RPTOR: variants seen among roughly 807,000 people sequenced by gnomAD.
RPTOR encodes the protein regulatory-associated protein of mTOR.
Under a neutral mutation model 169.9 loss-of-function variants are expected in RPTOR, and 21 were observed. That is an observed-to-expected ratio of 0.12 (90% CI 0.09 to 0.18). The LOEUF is 0.18. Ranked by LOEUF, RPTOR falls within the 10% of genes least tolerant of loss-of-function variation. The pLI is 1.00. For synonymous variants in RPTOR, 732 were observed against 753.2 expected (o/e 0.97, Z 0.46); for missense variants, 1,133 against 1,855.9 (o/e 0.61, Z 7.16).
intron 4 of RPTOR, among the ~76,000 whole-genome samples, chr17:80,710,296 C>A (rs765648507): frequency 2.0e-5 from 3 of 152,014 alleles, no homozygotes; most frequent in Non-Finnish European, 4.4e-5. Flanking sequence ...GCCCCGCTCC[C>A]AGTTGTGCTT....
intron 1 of RPTOR, among the ~76,000 whole-genome samples, chr17:80,616,196 A>T (rs1195623001): frequency 6.6e-6 from 1 of 152,176 alleles, no homozygotes; most frequent in Non-Finnish European, 1.5e-5. Context: ...TAATGTGGCT[A>T]ATTTTAATTT....
chr17:80,862,184 G>A (rs990569771), intron 13 of RPTOR, among the ~76,000 whole-genome samples: 1 of 152,078 alleles, frequency 6.6e-6, no homozygotes, highest in Non-Finnish European at 1.5e-5. Context: ...CAGTGTTCTT[G>A]TAACTGCCTG....
chr17:80,899,279 G>T (rs2068445815), intron 20 of RPTOR, among the ~76,000 whole-genome samples: 1 of 152,176 alleles, frequency 6.6e-6, no homozygotes, highest in Admixed American at 6.5e-5. Context: ...GTTTTGAACT[G>T]GAATACACTT....
intron 6 of RPTOR, among the ~76,000 whole-genome samples, chr17:80,790,966 G>T (rs1188471763): frequency 6.6e-6 from 1 of 152,212 alleles, no homozygotes; most frequent in African/African-American, 2.4e-5. Flanking sequence ...ACCTGCGTCA[G>T]ACATGAACCC....
chr17:80,608,310 T>G (rs2065243118), intron 1 of RPTOR, among the ~76,000 whole-genome samples: 1 of 152,226 alleles, frequency 6.6e-6, no homozygotes, highest in African/African-American at 2.4e-5. Context: ...TAATATTCTA[T>G]ATGCATTATT....
intron 9 of RPTOR, among the ~76,000 whole-genome samples, chr17:80,827,289 C>CTA (rs1231322273): frequency 1.3e-5 from 2 of 152,248 alleles, no homozygotes; most frequent in Non-Finnish European, 2.9e-5. Flanking sequence ...GCCATCTAAT[C>CTA]CTGTGTGACA....
rs531201000 is a variant in RPTOR at position 80,898,731 on chromosome 17, A to G, written c.2401+4866A>G. Among the ~76,000 whole-genome samples, 85 of 122,386 alleles carry G rather than the reference A, an allele frequency of 6.9e-4. 1 individual carries two copies. Among genetic ancestry groups the G allele is most frequent in the Admixed American group, 4.3e-3 (52 of 12,174 alleles). 80.3% of individuals were successfully genotyped at this position (122,386 alleles called of 152,430 possible). A position where few individuals can be genotyped will look rare whatever the true frequency, so the allele number is the denominator to read the frequency against. ...GGCTCCCCCCGCACCTGCTCACCCA[A>G]CCCCTGCTCACCCCGCCCCTGCTCA... On this transcript the variant is annotated intron_variant, in intron 20 of 33. Coordinates refer to ENST00000306801, the MANE Select transcript of RPTOR (RefSeq NM_020761.3).
intron 25 of RPTOR, among the ~76,000 whole-genome samples, chr17:80,945,373 A>T (rs759734653): frequency 2.0e-5 from 3 of 152,110 alleles, no homozygotes; most frequent in Non-Finnish European, 2.9e-5. Context: ...CGGGCAGATC[A>T]CAAGGTCAGG....
intron 1 of RPTOR, among the ~76,000 whole-genome samples, chr17:80,567,590 G>A (rs867546839): frequency 4.6e-5 from 7 of 151,578 alleles, no homozygotes; most frequent in Middle Eastern, 3.4e-3. Context: ...AGGAGTTCAA[G>A]ACCAGCCTGG....
intron 3 of RPTOR, among the ~76,000 whole-genome samples, chr17:80,674,795 A>AC (rs1303706469): frequency 4.3e-5 from 2 of 47,022 alleles, no homozygotes; most frequent in East Asian, 1.0e-3. Flanking sequence ...CTCAAAAAAA[A>AC]AAAAAAAAAA....
At chr17:80,663,437 C>G (rs904924401) in intron 3 of RPTOR, among the ~76,000 whole-genome samples, 1 of 151,318 alleles carries the variant, frequency 6.6e-6, no homozygotes, top group Non-Finnish European at 1.5e-5. Context: ...GCAGAGGAAT[C>G]TTTATTTACA....
chr17:80,700,102 G>A lies in RPTOR; in HGVS notation c.349-7739G>A, dbSNP rs116321552. On this transcript the variant is annotated intron_variant, in intron 3 of 33. Coordinates refer to ENST00000306801, the MANE Select transcript of RPTOR (RefSeq NM_020761.3). Reference sequence around the variant, plus strand: ...GGAAGAAGGTTCTGGGCAGAAGGCTGGAAAGTAGGTTAGAACATAATGAGG... The same window carrying A: ...GGAAGAAGGTTCTGGGCAGAAGGCTAGAAAGTAGGTTAGAACATAATGAGG... Among the ~76,000 whole-genome samples the A allele has an allele frequency of 9.0e-3, 1,376 of 152,310 alleles. 19 individuals are homozygous for A. The highest frequency in any genetic ancestry group is 0.028 in the African/African-American group (1,143 of 41,544).
intron 2 of RPTOR, among the ~76,000 whole-genome samples, chr17:80,634,491 A>C (rs201831890): frequency 0.19 from 18,875 of 98,414 alleles, 1,931 homozygotes; most frequent in East Asian, 0.26. Flanking sequence ...GTGTGTGCAT[A>C]CTGTGTGTGT....
intron 5 of RPTOR, among the ~76,000 whole-genome samples, chr17:80,749,670 C>G (rs1004254217): frequency 1.1e-4 from 17 of 152,076 alleles, no homozygotes; most frequent in Admixed American, 3.9e-4. Flanking sequence ...GTAAATTTAA[C>G]GTAGGAGCAA....
intron 7 of RPTOR, among the ~76,000 whole-genome samples, chr17:80,810,003 G>A (rs1490513971): frequency 2.6e-5 from 4 of 151,944 alleles, no homozygotes; most frequent in Non-Finnish European, 5.9e-5. Context: ...AGCTGAGATC[G>A]TGACACTGCA....
In RPTOR at chr17:80,893,750, C is replaced by T. The variant is rs2068363790; in HGVS notation, c.2286C>T (p.Ser762=). The change falls in exon 20 of 34, where the codon AGC becomes AGT. Residue 762 remains serine, a synonymous_variant. Transcript: ENST00000306801. ...VAFSPGNLST[S]SSASSTLGSP... is the part of the protein sequence containing the mutation. ...TCTCCCCCGGAAACCTCAGCACCAG[C>T]AGCAGCGCCAGCAGCACCCTGGGCA... The T allele has an allele frequency of 6.2e-7, 1 of 1,608,094 alleles. No individual in the cohort carries two copies. Among genetic ancestry groups the T allele is most frequent in the Non-Finnish European group, 8.5e-7 (1 of 1,176,902 alleles).
intron 20 of RPTOR, among the ~76,000 whole-genome samples, chr17:80,901,783 C>T (rs143184434): frequency 6.6e-6 from 1 of 152,114 alleles, no homozygotes; most frequent in Admixed American, 6.5e-5. Flanking sequence ...CAGCGCCTCC[C>T]CATCTTTCCT....
At chr17:80,783,652 C>T (rs922419296) in intron 6 of RPTOR, among the ~76,000 whole-genome samples, 4 of 152,250 alleles carry the variant, frequency 2.6e-5, no homozygotes, top group African/African-American at 9.6e-5. Flanking sequence ...CGATATCCAG[C>T]CAGCTCTGAC....
chr17:80,760,425 C>CT (rs1287161912), intron 6 of RPTOR, among the ~76,000 whole-genome samples: 48 of 151,424 alleles, frequency 3.2e-4, no homozygotes, highest in African/African-American at 1.2e-3. Flanking sequence ...CCTCAGCCTC[C>CT]CGAGTAGCTG....
Sources: gnomAD v4.1 joint callset for allele counts (sites outside exome capture counted in the v4.1 genomes callset) on GRCh38, gnomAD v4.1.1 for gene constraint, MANE v1.5 for transcripts, NCBI Gene and HGNC (gene_info 2026-07-23, HGNC 2026-07-21) for gene names.